Variants in EPHB1 observed in about 807,000 individuals in gnomAD.
EPHB1 encodes EPH receptor B1.
In EPHB1, 30 loss-of-function variants were observed where a neutral mutation model predicts 94.4. The observed-to-expected ratio is 0.32, with a 90% CI of 0.24 to 0.43. The LOEUF is 0.43. EPHB1 is among the 20% of genes least tolerant of loss of function. EPHB1 has a pLI of 1.00. For synonymous variants in EPHB1, 522 were observed against 489.1 expected (o/e 1.07, Z -0.89); for missense variants, 1,055 against 1,308.3 (o/e 0.81, Z 2.99).
At chr3:135,170,642 T>G (rs1941780361) in intron 9 of EPHB1, among the ~76,000 whole-genome samples, 1 of 152,124 alleles carries the variant, frequency 6.6e-6, no homozygotes, top group African/African-American at 2.4e-5. Context: ...GTGGTCCAGG[T>G]GGCCACCTCG....
intron 12 of EPHB1, among the ~76,000 whole-genome samples, chr3:135,211,485 A>G (rs1943032702): frequency 6.6e-6 from 1 of 152,182 alleles, no homozygotes; most frequent in South Asian, 2.1e-4. Context: ...GTCTCTGGCA[A>G]TGCATTTCTT....
At chr3:134,810,954 G>A (rs2108285945) in intron 1 of EPHB1, among the ~76,000 whole-genome samples, 1 of 152,278 alleles carries the variant, frequency 6.6e-6, no homozygotes, top group East Asian at 1.9e-4. Flanking sequence ...GACTTTCATA[G>A]GAGGGAGAGT....
At chr3:134,943,877 G>A (rs1296383897) in intron 2 of EPHB1, among the ~76,000 whole-genome samples, 1 of 152,196 alleles carries the variant, frequency 6.6e-6, no homozygotes, top group Non-Finnish European at 1.5e-5. Context: ...AATGGAGACC[G>A]TGCGAGCATT....
At chr3:134,916,241 G>A (rs2038565511) in intron 1 of EPHB1, among the ~76,000 whole-genome samples, 1 of 152,202 alleles carries the variant, frequency 6.6e-6, no homozygotes, top group Non-Finnish European at 1.5e-5. Context: ...CCCTTAGCTA[G>A]ACATAAAGGT....
chr3:134,872,117 T>G (rs376292316), intron 1 of EPHB1, among the ~76,000 whole-genome samples: 1 of 152,204 alleles, frequency 6.6e-6, no homozygotes, highest in Admixed American at 6.5e-5. Flanking sequence ...CTCTGGTACA[T>G]TCTGTTTGTT....
chr3:134,999,053 G>A (rs186284363), intron 3 of EPHB1, among the ~76,000 whole-genome samples: 357 of 152,296 alleles, frequency 2.3e-3, no homozygotes, highest in Non-Finnish European at 4.2e-3. Flanking sequence ...ATCAGTGTCA[G>A]CCAGGTGGCT....
At chr3:135,114,536 C>CAAAAAAAAA (rs1939595562) in intron 4 of EPHB1, among the ~76,000 whole-genome samples, 1 of 19,908 alleles carries the variant, frequency 5.0e-5, no homozygotes, top group Non-Finnish European at 8.2e-5. Flanking sequence ...CCTGTCTCTA[C>CAAAAAAAAA]TAAAAAAAAA....
At chr3:135,112,878 G>T (rs187520797) in intron 4 of EPHB1, among the ~76,000 whole-genome samples, 2 of 152,148 alleles carry the variant, frequency 1.3e-5, no homozygotes, top group Admixed American at 1.3e-4. Context: ...TGTTTACTTG[G>T]GTTAATCTAG....
intron 15 of EPHB1, among the ~76,000 whole-genome samples, chr3:135,256,419 G>T (rs1933391060): frequency 6.6e-6 from 1 of 152,122 alleles, no homozygotes; most frequent in East Asian, 1.9e-4. Context: ...GTCTGGTGGT[G>T]ACAAAATCTC....
intron 3 of EPHB1, among the ~76,000 whole-genome samples, chr3:135,031,417 C>T (rs1349136336): frequency 6.6e-6 from 1 of 152,130 alleles, no homozygotes; most frequent in East Asian, 1.9e-4. Flanking sequence ...TCAAATAATC[C>T]TCCTGCCTCA....
intron 5 of EPHB1, among the ~76,000 whole-genome samples, chr3:135,152,733 A>C (rs12492126): frequency 6.6e-6 from 1 of 152,010 alleles, no homozygotes; most frequent in Non-Finnish European, 1.5e-5. Flanking sequence ...TGGGTCTGCC[A>C]TGGCATCCCT....
At chr3:135,166,121 C>G in intron 8 of EPHB1, 45 bp downstream of exon 8, 1 of 1,477,028 alleles carries the variant, frequency 6.8e-7, no homozygotes, top group Non-Finnish European at 9.5e-7. Flanking sequence ...CCAGGAAGCC[C>G]CTCTCCATGT....
At chr3:135,010,558 GTTTTTTT>G (rs58579496) in intron 3 of EPHB1, among the ~76,000 whole-genome samples, 2 of 110,398 alleles carry the variant, frequency 1.8e-5, no homozygotes, top group Admixed American at 1.0e-4. Flanking sequence ...ATTTTTTTCT[GTTTTTTT>G]TTTTTTTTTT....
At chr3:134,974,490 G>A (rs918436274) in intron 3 of EPHB1, among the ~76,000 whole-genome samples, 1 of 152,154 alleles carries the variant, frequency 6.6e-6, no homozygotes, top group Non-Finnish European at 1.5e-5. Flanking sequence ...AACACTGCTG[G>A]CCCTCAGAGA....
At chr3:135,164,293 C>G (rs940614253) in intron 7 of EPHB1, among the ~76,000 whole-genome samples, 1 of 152,134 alleles carries the variant, frequency 6.6e-6, no homozygotes, top group Non-Finnish European at 1.5e-5. Flanking sequence ...CTTCAAGAAC[C>G]AATATCCTTG....
intron 9 of EPHB1, among the ~76,000 whole-genome samples, chr3:135,174,447 G>A (rs533949609): frequency 1.4e-4 from 21 of 152,280 alleles, no homozygotes; most frequent in Non-Finnish European, 2.1e-4. Context: ...ATGTTTTCAG[G>A]ATTCTGACCC....
At chr3:134,891,025 A>T (rs925023087) in intron 1 of EPHB1, among the ~76,000 whole-genome samples, 1 of 152,164 alleles carries the variant, frequency 6.6e-6, no homozygotes, top group Non-Finnish European at 1.5e-5. Context: ...CAATTTATAC[A>T]TCTAATATCC....
chr3:135,180,015 C>G, intron 10 of EPHB1, 33 bp downstream of exon 10: 1 of 1,612,068 alleles, frequency 6.2e-7, no homozygotes. Context: ...TTCTGTTCTC[C>G]TGGTGTCCAA....
intron 5 of EPHB1, among the ~76,000 whole-genome samples, chr3:135,151,023 T>C (rs905502249): frequency 2.0e-5 from 3 of 152,206 alleles, no homozygotes; most frequent in African/African-American, 7.2e-5. Context: ...ACATCCCATA[T>C]TCATGGAAAT....
Sources: gnomAD v4.1 joint callset for allele counts (sites outside exome capture counted in the v4.1 genomes callset) on GRCh38, gnomAD v4.1.1 for gene constraint, MANE v1.5 for transcripts, NCBI Gene and HGNC (gene_info 2026-07-23, HGNC 2026-07-21) for gene names.